DCC: variants seen among roughly 807,000 people sequenced by gnomAD.
DCC encodes netrin receptor DCC.
Under a neutral mutation model 172.5 loss-of-function variants are expected in DCC, and 58 were observed. The observed-to-expected ratio is 0.34, with a 90% CI of 0.27 to 0.42. DCC has a LOEUF of 0.42. Ranked by LOEUF, DCC falls within the 10% of genes least tolerant of loss-of-function variation. The probability of loss-of-function intolerance (pLI) is 1.00; values close to 1 mark genes in which losing one functional copy is unlikely to be tolerated. For missense variants in DCC, 1,740 were observed against 1,791.0 expected (o/e 0.97, Z 0.51); for synonymous variants, 709 against 644.5 (o/e 1.10, Z -1.52).
intron 1 of DCC, among the ~76,000 whole-genome samples, chr18:52,516,028 A>G (rs1403538018): frequency 1.3e-5 from 2 of 152,112 alleles, no homozygotes; most frequent in Non-Finnish European, 2.9e-5. Context: ...TCATTGGGGA[A>G]ATATGAATGG....
intron 1 of DCC, among the ~76,000 whole-genome samples, chr18:52,684,748 GAA>G (rs35727702): frequency 6.6e-6 from 1 of 151,636 alleles, no homozygotes; most frequent in African/African-American, 2.4e-5. Flanking sequence ...AAAATATTCA[GAA>G]AAAAAAATTA....
intron 8 of DCC, among the ~76,000 whole-genome samples, chr18:53,170,799 C>G (rs1305504649): frequency 6.6e-6 from 1 of 152,106 alleles, no homozygotes; most frequent in Non-Finnish European, 1.5e-5. Context: ...AATGTGAAGG[C>G]CAGAAACAGC....
intron 7 of DCC, among the ~76,000 whole-genome samples, chr18:53,091,970 T>C (rs1217506335): frequency 6.6e-6 from 1 of 152,048 alleles, no homozygotes; most frequent in East Asian, 1.9e-4. Flanking sequence ...CTGAAAATAA[T>C]CTGCTGATTT....
chr18:52,853,853 C>T (rs2039013372), intron 2 of DCC, among the ~76,000 whole-genome samples: 2 of 152,188 alleles, frequency 1.3e-5, no homozygotes. Context: ...TGAAGCCTGC[C>T]TGCCTAACTT....
chr18:52,765,200 A>ATTTT (rs563633847), intron 2 of DCC, among the ~76,000 whole-genome samples: 15 of 138,160 alleles, frequency 1.1e-4, no homozygotes, highest in Non-Finnish European at 1.1e-4. Context: ...CTCCTGGCTA[A>ATTTT]TTTTTTTTTT....
intron 12 of DCC, among the ~76,000 whole-genome samples, chr18:53,273,667 T>C (rs2056773326): frequency 6.6e-6 from 1 of 152,148 alleles, no homozygotes. Flanking sequence ...GAAAATATTG[T>C]TCTTCTACAC....
intron 12 of DCC, among the ~76,000 whole-genome samples, chr18:53,273,377 T>A (rs927860903): frequency 6.6e-6 from 1 of 152,140 alleles, no homozygotes; most frequent in African/African-American, 2.4e-5. Flanking sequence ...TGATTCATCA[T>A]GATTATATAT....
intron 8 of DCC, among the ~76,000 whole-genome samples, chr18:53,165,075 T>G (rs2144420658): frequency 6.6e-6 from 1 of 152,294 alleles, no homozygotes; most frequent in Admixed American, 6.5e-5. Flanking sequence ...ATGAGAGAAT[T>G]AAAACAATTT....
At chr18:53,372,910 C>T (rs2058073536) in intron 15 of DCC, among the ~76,000 whole-genome samples, 1 of 152,090 alleles carries the variant, frequency 6.6e-6, no homozygotes, top group East Asian at 1.9e-4. Flanking sequence ...ATAACCCCTT[C>T]TAGGTTTGTA....
intron 2 of DCC, among the ~76,000 whole-genome samples, chr18:52,870,219 G>A (rs2039297780): frequency 6.6e-6 from 1 of 152,088 alleles, no homozygotes; most frequent in South Asian, 2.1e-4. Context: ...GGTGACGCAG[G>A]AACAGAGTCC....
chr18:53,190,458 CTGTGTGTGTGTGTGTGTGTGTGTGTG>C (rs67103778), intron 9 of DCC, among the ~76,000 whole-genome samples: 61 of 146,370 alleles, frequency 4.2e-4, no homozygotes, highest in African/African-American at 1.4e-3. Flanking sequence ...ACTGCTAACT[CTGTGTGTGTGTGTGTGTGTGTGTGTG>C]TGTGTGTGTG....
intron 27 of DCC, 27 bp from the exon 28 acceptor site, chr18:53,526,590 C>T (rs2144617500): frequency 1.2e-6 from 2 of 1,612,022 alleles, no homozygotes; most frequent in Non-Finnish European, 1.7e-6. Context: ...TTCTACATTA[C>T]TTTCATCACT....
intron 2 of DCC, among the ~76,000 whole-genome samples, chr18:52,896,881 G>T (rs974072878): frequency 4.2e-5 from 2 of 47,542 alleles, no homozygotes; most frequent in Admixed American, 3.6e-4. Context: ...GGATTTACTG[G>T]GTTGATTCTG....
At chr18:52,829,648 T>G (rs1453135380) in intron 2 of DCC, among the ~76,000 whole-genome samples, 1 of 151,744 alleles carries the variant, frequency 6.6e-6, no homozygotes, top group African/African-American at 2.4e-5. Context: ...AAATGATACT[T>G]TAAAAAGCAT....
At chr18:53,115,056 A>C (rs980679011) in intron 7 of DCC, among the ~76,000 whole-genome samples, 6 of 151,492 alleles carry the variant, frequency 4.0e-5, no homozygotes, top group African/African-American at 1.5e-4. Flanking sequence ...TCCAATTTTC[A>C]GGTTTTTCTC....
At chr18:52,495,933 C>T (rs949621175) in intron 1 of DCC, among the ~76,000 whole-genome samples, 1 of 151,888 alleles carries the variant, frequency 6.6e-6, no homozygotes, top group African/African-American at 2.4e-5. Context: ...TACCATCTAT[C>T]AAATGGGGAA....
intron 12 of DCC, among the ~76,000 whole-genome samples, chr18:53,269,931 A>T (rs2056729527): frequency 6.6e-6 from 1 of 152,100 alleles, no homozygotes; most frequent in South Asian, 2.1e-4. Flanking sequence ...TAAGGCTTGG[A>T]ATGTTGACGG....
chr18:52,629,048 C>T (rs1457874921), intron 1 of DCC, among the ~76,000 whole-genome samples: 1 of 152,184 alleles, frequency 6.6e-6, no homozygotes, highest in African/African-American at 2.4e-5. Flanking sequence ...GAGGATATTA[C>T]TATGAGACAG....
At chr18:52,391,874 G>C (rs1427557247) in intron 1 of DCC, among the ~76,000 whole-genome samples, 1 of 152,118 alleles carries the variant, frequency 6.6e-6, no homozygotes, top group Admixed American at 6.6e-5. Context: ...TCTTTGGAAG[G>C]CGTCTTACAG....
Sources: allele counts gnomAD v4.1 joint callset (sites outside exome capture counted in the v4.1 genomes callset), GRCh38; gene constraint gnomAD v4.1.1; transcripts MANE v1.5; gene names NCBI Gene and HGNC (gene_info 2026-07-23, HGNC 2026-07-21).